Variants in SLC25A48 observed in about 807,000 individuals in gnomAD.
The protein encoded by SLC25A48 is CTC-321K16.1.
A neutral mutation model predicts 32.2 loss-of-function variants in SLC25A48; 29 were observed. That is an observed-to-expected ratio of 0.90 (90% CI 0.67 to 1.23). The LOEUF is 1.23. Among genes scored for constraint, SLC25A48 ranks in the 50% most tolerant of loss-of-function variants. The pLI is 0.00. For synonymous variants in SLC25A48, 164 were observed against 172.3 expected (o/e 0.95, Z 0.38); for missense variants, 399 against 422.7 (o/e 0.94, Z 0.49).
At chr5:135,637,379 C>A (rs762749387) in intron 3 of SLC25A48, among the ~76,000 whole-genome samples, 9 of 152,168 alleles carry the variant, frequency 5.9e-5, no homozygotes, top group Non-Finnish European at 1.2e-4. Flanking sequence ...CCCATGCCTC[C>A]CACTTCTTGG....
intron 1 of SLC25A48, among the ~76,000 whole-genome samples, chr5:135,614,046 A>G (rs939825000): frequency 2.0e-5 from 3 of 152,024 alleles, no homozygotes; most frequent in Non-Finnish European, 4.4e-5. Flanking sequence ...TGGTCATATT[A>G]ATAATATTAA....
chr5:135,869,145 C>T (rs1023725746), intron 4 of SLC25A48, among the ~76,000 whole-genome samples: 1 of 152,062 alleles, frequency 6.6e-6, no homozygotes, highest in African/African-American at 2.4e-5. Context: ...TTTTATACTT[C>T]TTTTGCAAAT....
chr5:135,867,525 C>A (rs1179659517), intron 4 of SLC25A48, among the ~76,000 whole-genome samples: 1 of 152,186 alleles, frequency 6.6e-6, no homozygotes, highest in Non-Finnish European at 1.5e-5. Flanking sequence ...CTGCCACCCC[C>A]ACAAGCCAGA....
chr5:135,767,077 G>A lies in SLC25A48; in HGVS notation c.-520-45446G>A, dbSNP rs1445698145. The stretch of plus-strand genomic sequence containing the variant: ...ATTGTTCATAATATCCAAGGGGAAA[G>A]AGAGTGATGTTACTCCTAATAGCGC... On this transcript the variant is annotated intron_variant, in intron 3 of 10. Transcript: ENST00000646290. Among the ~76,000 whole-genome samples the A allele has an allele frequency of 4.6e-5, 7 of 151,850 alleles. 1 individual carries two copies. In the South Asian group the frequency reaches 1.5e-3, roughly 32 times the overall value.
At chr5:135,853,521 T>C (rs1055595246) in intron 4 of SLC25A48, among the ~76,000 whole-genome samples, 3 of 152,248 alleles carry the variant, frequency 2.0e-5, no homozygotes, top group Non-Finnish European at 4.4e-5. Flanking sequence ...AGATTTCATC[T>C]GAAGAAAAAC....
At chr5:135,777,492 G>T (rs765660778) in intron 3 of SLC25A48, among the ~76,000 whole-genome samples, 1 of 151,492 alleles carries the variant, frequency 6.6e-6, no homozygotes, top group Non-Finnish European at 1.5e-5. Flanking sequence ...TATCCAGGGG[G>T]GAGAGGATAA....
At chr5:135,707,477 A>T (rs1215371460) in intron 3 of SLC25A48, among the ~76,000 whole-genome samples, 5 of 151,994 alleles carry the variant, frequency 3.3e-5, no homozygotes, top group African/African-American at 1.2e-4. Context: ...AATGCACTTC[A>T]GCCACTTTGG....
At chr5:135,852,007 CT>C (rs1759912827) in intron 3 of SLC25A48, among the ~76,000 whole-genome samples, 1 of 152,172 alleles carries the variant, frequency 6.6e-6, no homozygotes, top group Admixed American at 6.5e-5. Flanking sequence ...TAGGGAACCC[CT>C]GTCTTACACC....
intron 4 of SLC25A48, among the ~76,000 whole-genome samples, chr5:135,857,266 A>G (rs1352991523): frequency 6.6e-6 from 1 of 152,186 alleles, no homozygotes; most frequent in Non-Finnish European, 1.5e-5. Flanking sequence ...GTGATAGGGG[A>G]TTCTGAAGCT....
intron 3 of SLC25A48, among the ~76,000 whole-genome samples, chr5:135,789,735 A>AGG (rs35879819): frequency 7.3e-5 from 11 of 151,388 alleles, no homozygotes; most frequent in Non-Finnish European, 1.6e-4. Flanking sequence ...CTTAATATTA[A>AGG]GGGGGGATAG....
chr5:135,624,656 C>T (rs1368734374), intron 1 of SLC25A48, among the ~76,000 whole-genome samples: 1 of 152,118 alleles, frequency 6.6e-6, no homozygotes, highest in African/African-American at 2.4e-5. Flanking sequence ...TGAGTACTGG[C>T]AAGGTGGGGA....
chr5:135,695,193 T>G (rs11959022), intron 3 of SLC25A48, among the ~76,000 whole-genome samples: 123,125 of 152,152 alleles, frequency 0.81, 50,042 homozygotes, highest in Middle Eastern at 0.89. Context: ...AGTCCCCTCT[T>G]CAGAGACTGT....
At chr5:135,764,034 T>C (rs887877158) in intron 3 of SLC25A48, among the ~76,000 whole-genome samples, 10 of 151,982 alleles carry the variant, frequency 6.6e-5, no homozygotes, top group African/African-American at 2.4e-4. Context: ...TCCCCATATT[T>C]CGGGGGATGT....
At position 135,629,288 on chromosome 5, in the gene SLC25A48, T is replaced by G. The variant is rs141723686; in HGVS notation, c.-797T>G. 10 of 152,268 alleles carry G rather than the reference T, an allele frequency of 6.6e-5. No individual in the cohort carries two copies. The East Asian group carries it at 1.9e-3, about 29-fold the overall frequency. The allele number at this position is 152,268 out of a possible 1,614,324, so 9.4% of individuals were successfully genotyped here. A position where few individuals can be genotyped will look rare whatever the true frequency, so the allele number is the denominator to read the frequency against. ...GAAAAAAACCCTGCTGGACGTTGGA[T>G]GTACAGCCAAACACCTGGGTTGGGA... is the stretch of plus-strand genomic sequence containing the variant. On this transcript the variant is annotated 5_prime_UTR_variant, in exon 2 of 11. Coordinates refer to the SLC25A48 transcript ENST00000646290. The surrounding 1 kb of genome is among the most constrained non-coding windows in gnomAD (Gnocchi z 4.8).
chr5:135,667,523 G>T (rs1336054125), intron 3 of SLC25A48, among the ~76,000 whole-genome samples: 2 of 152,142 alleles, frequency 1.3e-5, no homozygotes, highest in Non-Finnish European at 2.9e-5. Flanking sequence ...AACAGCTTGT[G>T]TAACCACCCT....
intron 3 of SLC25A48, among the ~76,000 whole-genome samples, chr5:135,655,432 C>T (rs1323183128): frequency 6.6e-6 from 1 of 152,212 alleles, no homozygotes; most frequent in Non-Finnish European, 1.5e-5. Context: ...GCTTCTTCTC[C>T]AGGCAGACCA....
At chr5:135,876,391 G>T (rs985704410) in intron 6 of SLC25A48, 1 of 152,114 alleles carries the variant, frequency 6.6e-6, no homozygotes. Flanking sequence ...GAGGTCAGAC[G>T]ATTGGTTTCT....
chr5:135,592,313 TCA>T (rs1173081590), intron 1 of SLC25A48, among the ~76,000 whole-genome samples: 1 of 152,194 alleles, frequency 6.6e-6, no homozygotes, highest in Non-Finnish European at 1.5e-5. Context: ...GCCTGGCCTA[TCA>T]GGAACAGGTG....
At chr5:135,667,975 G>A (rs1753563492) in intron 3 of SLC25A48, among the ~76,000 whole-genome samples, 1 of 152,146 alleles carries the variant, frequency 6.6e-6, no homozygotes, top group South Asian at 2.1e-4. Flanking sequence ...TCTTTCCTGA[G>A]TATAAAATCT....
Sources: allele counts gnomAD v4.1 joint callset (sites outside exome capture counted in the v4.1 genomes callset), GRCh38; gene constraint gnomAD v4.1.1; non-coding constraint Gnocchi (gnomAD v3.1); transcripts MANE v1.5; gene names NCBI Gene and HGNC (gene_info 2026-07-23, HGNC 2026-07-21).